The following LRP1B variants were observed in gnomAD, a reference collection of about 807,000 sequenced individuals.
LRP1B encodes the protein LDL receptor related protein 1B.
A neutral mutation model predicts 556.6 loss-of-function variants in LRP1B; 217 were observed. The ratio of observed to expected loss-of-function variants is 0.39; its 90% CI spans 0.35 to 0.44. LRP1B has a LOEUF of 0.44. LRP1B is among the 20% of genes least tolerant of loss of function. The pLI is 1.00. For missense variants in LRP1B, 5,053 were observed against 5,620.8 expected, an observed-to-expected ratio of 0.90 and a Z score of 3.23; for synonymous variants, 2,047 against 1,865.8, an observed-to-expected ratio of 1.10 and a Z score of -2.50.
Position 140,886,165 on chromosome 2 carries a change from A to T in LRP1B, c.3937T>A (p.Tyr1313Asn), listed in dbSNP as rs2105192069. ...CCACTTTCAGAAAGCTTTCCCCGGT[A>T]TATTCTGTCTTCTACAACATCTGTC... ...YWTDVVEDRI[Y>N]RGKLSESGGV... is the part of the protein sequence containing the mutation. The change falls in exon 24 of 91, where the codon TAC (tyrosine) becomes AAC (asparagine). Residue 1313 changes from tyrosine to asparagine, a missense_variant. This residue lies in a region of LRP1B where 3,619 missense variants were observed against 3,931.9 expected (regional missense o/e 0.92). Transcript: ENST00000389484. The T allele has an allele frequency of 6.2e-7, 1 of 1,605,132 alleles. No homozygotes were observed. The highest frequency in any genetic ancestry group is 8.5e-7 in the Non-Finnish European group (1 of 1,174,930).
chr2:140,430,125 G>A (rs1226044907), intron 66 of LRP1B, among the ~76,000 whole-genome samples: 1 of 152,036 alleles, frequency 6.6e-6, no homozygotes, highest in African/African-American at 2.4e-5. Context: ...GTTTATTGAT[G>A]GCAGTTCCAC....
intron 61 of LRP1B, among the ~76,000 whole-genome samples, chr2:140,457,188 C>T (rs113360131): frequency 6.6e-6 from 1 of 152,154 alleles, no homozygotes; most frequent in Non-Finnish European, 1.5e-5. Flanking sequence ...TTCAAGAATA[C>T]AGTCTTCACT....
chr2:140,258,984 T>C (rs954060590), intron 86 of LRP1B, among the ~76,000 whole-genome samples: 3 of 152,158 alleles, frequency 2.0e-5, no homozygotes, highest in African/African-American at 2.4e-5. Flanking sequence ...GACATACATA[T>C]AGCTGTGACA....
intron 5 of LRP1B, among the ~76,000 whole-genome samples, chr2:141,243,838 G>C (rs1683971577): frequency 6.6e-6 from 1 of 152,120 alleles, no homozygotes; most frequent in Non-Finnish European, 1.5e-5. Flanking sequence ...TAATAGGAAT[G>C]AAAAGGCCTC....
In LRP1B at chr2:140,350,967, T is replaced by A. The variant is rs780385688; in HGVS notation, c.11722A>T (p.Ser3908Cys). Residue 3908 changes from serine (S) to cysteine (C), a missense_variant, in exon 77 of 91, where the codon AGT becomes TGT. Physicochemically the swap from Ser to Cys is moderately radical, Grantham distance 112 (BLOSUM62 -1). This residue lies in a region of LRP1B where 599 missense variants were observed against 648.4 expected (regional missense o/e 0.92). Coordinates refer to ENST00000389484, the MANE Select transcript of LRP1B (RefSeq NM_018557.3). Reference protein sequence around the residue: ...ILGFIYPFNYSGDHQQISHIE... With the variant: ...ILGFIYPFNYCGDHQQISHIE... ...TGAGAAATTTGTTGATGATCGCCACTGTAGTTGAATGGATATATAAAACCC... is the reference window on the plus strand; with the variant it reads ...TGAGAAATTTGTTGATGATCGCCACAGTAGTTGAATGGATATATAAAACCC... 6.2e-7 allele frequency: 1 copy of A among 1,607,900 alleles called. No homozygotes were observed. The highest frequency in any genetic ancestry group is 8.5e-7 in the Non-Finnish European group (1 of 1,175,040).
intron 2 of LRP1B, among the ~76,000 whole-genome samples, chr2:141,517,259 T>TACACACACACACACACACATAC (rs71281835): frequency 7.1e-6 from 1 of 141,390 alleles, no homozygotes; most frequent in Admixed American, 7.1e-5. Context: ...AGGACAAGAA[T>TACACACACACACACACACATAC]ACGCACACAC....
chr2:140,950,235 C>T lies in LRP1B; in HGVS notation c.3136G>A (p.Glu1046Lys), dbSNP rs778945369. 1.9e-6 allele frequency: 3 copies of T among 1,560,798 alleles called. No individual in the cohort carries two copies. The highest frequency in any genetic ancestry group is 8.6e-7 in the Non-Finnish European group (1 of 1,156,966). ...DEAQINCTKE[E>K]IHSPAGCNGN... Reference sequence around the variant, plus strand: ...TTCATTAATTTATAAAATTACTAACCTTCTTTAGTACAATTGATCTGGGCT... The same window carrying T: ...TTCATTAATTTATAAAATTACTAACTTTCTTTAGTACAATTGATCTGGGCT... The change falls in exon 20 of 91, where the codon GAG becomes AAG. Residue 1046 changes from glutamate to lysine, a missense_variant and splice_region_variant. Physicochemically the swap from Glu to Lys is moderately conservative, Grantham distance 56. Coordinates refer to ENST00000389484, the MANE Select transcript of LRP1B (RefSeq NM_018557.3).
rs536761851 is a variant in LRP1B at position 140,444,627 on chromosome 2, A to G, written c.10110T>C (p.Ala3370=). 3.7e-6 allele frequency: 6 copies of G among 1,614,058 alleles called. 1 individual carries two copies. The South Asian group carries it at 4.4e-5, about 12-fold the overall frequency. Residue 3370 remains alanine, a synonymous_variant, in exon 64 of 91, where the codon GCT becomes GCC. Coordinates refer to ENST00000389484, the MANE Select transcript of LRP1B (RefSeq NM_018557.3). The part of the protein sequence containing the change: ...GRFQCGTGLC[A]LPAFICDGEN... ...CTCCATCACAGATGAAAGCTGGTAG[A>G]GCACAGAGTCCAGTCCCACACTGAA...
Position 140,796,696 on chromosome 2 carries a change from G to A in LRP1B, c.5359+16961C>T, listed in dbSNP as rs1402730383. Among the ~76,000 whole-genome samples, 7 of 152,052 alleles carry A rather than the reference G, an allele frequency of 4.6e-5. No homozygotes were observed. In the South Asian group the frequency reaches 1.0e-3, roughly 22 times the overall value. On this transcript the variant is annotated intron_variant, in intron 32 of 90. Transcript: ENST00000389484. ...TGAACTAAGTGACATTGCTCAGTGC[G>A]CACTGCAAAGTAACTTATCTCTTTT...
intron 41 of LRP1B, among the ~76,000 whole-genome samples, chr2:140,641,413 T>C (rs1324678085): frequency 2.0e-5 from 3 of 152,222 alleles, no homozygotes; most frequent in Non-Finnish European, 4.4e-5. Context: ...ATAACTCTTT[T>C]AGCATCTGAT....
intron 21 of LRP1B, among the ~76,000 whole-genome samples, chr2:140,918,801 A>G (rs533497795): frequency 6.6e-6 from 1 of 152,210 alleles, no homozygotes; most frequent in Non-Finnish European, 1.5e-5. Context: ...AACCAGGAAG[A>G]GTGCCTCAGA....
At chr2:140,462,715 C>T (rs1687373207) in intron 60 of LRP1B, among the ~76,000 whole-genome samples, 2 of 152,180 alleles carry the variant, frequency 1.3e-5, no homozygotes, top group Admixed American at 1.3e-4. Flanking sequence ...AGAGGCAAAG[C>T]CAGGATAACT....
intron 68 of LRP1B, among the ~76,000 whole-genome samples, chr2:140,375,836 A>G (rs670617): frequency 0.096 from 14,606 of 152,160 alleles, 1,242 homozygotes; most frequent in African/African-American, 0.23. Flanking sequence ...AGAGATAAAT[A>G]CTTGCTATAC....
intron 1 of LRP1B, among the ~76,000 whole-genome samples, chr2:141,819,433 T>C (rs1696681776): frequency 6.6e-6 from 1 of 152,136 alleles, no homozygotes; most frequent in Non-Finnish European, 1.5e-5. Flanking sequence ...ACGTTTGCAA[T>C]AACGTAACAC....
At chr2:141,015,618 G>T in intron 13 of LRP1B, 78 bp downstream of exon 13, 1 of 1,163,046 alleles carries the variant, frequency 8.6e-7, no homozygotes. Context: ...AAACTTGAAA[G>T]TATTTTTAAC....
rs138608610 is a variant in LRP1B, at chr2:141,000,933, G to A, written c.2503+4402C>T. On this transcript the variant is annotated intron_variant, in intron 15 of 90. Coordinates refer to ENST00000389484, the MANE Select transcript of LRP1B (RefSeq NM_018557.3). Reference sequence around the variant, plus strand: ...ATCTTTCCTATATCAATATAGATATGTTCACCTAAAAGCAACCCATACATT... The same window carrying A: ...ATCTTTCCTATATCAATATAGATATATTCACCTAAAAGCAACCCATACATT... Among the ~76,000 whole-genome samples the A allele has an allele frequency of 4.4e-3, 643 of 145,446 alleles. 5 individuals are homozygous for A. The highest frequency in any genetic ancestry group is 7.1e-3 in the Non-Finnish European group (469 of 66,118).
chr2:142,067,374 C>A (rs1449056933), intron 1 of LRP1B, among the ~76,000 whole-genome samples: 3 of 151,404 alleles, frequency 2.0e-5, no homozygotes, highest in Non-Finnish European at 4.4e-5. Context: ...GTAATATATT[C>A]CATGTTGTAC....
At chr2:142,054,286 C>T (rs755887512) in intron 1 of LRP1B, among the ~76,000 whole-genome samples, 26 of 152,012 alleles carry the variant, frequency 1.7e-4, no homozygotes, top group African/African-American at 2.4e-4. Context: ...GTGGGTATTG[C>T]TTAGAGTGGA....
intron 3 of LRP1B, among the ~76,000 whole-genome samples, chr2:141,305,819 T>C (rs986929657): frequency 3.3e-5 from 5 of 152,192 alleles, no homozygotes; most frequent in Admixed American, 6.5e-5. Flanking sequence ...ATTTTATCAA[T>C]TTCTTCCTGC....
Sources: gnomAD v4.1 joint callset for allele counts (sites outside exome capture counted in the v4.1 genomes callset) on GRCh38, gnomAD v4.1.1 for gene constraint, gnomAD v4.1.1 regional missense constraint, MANE v1.5 for transcripts, NCBI Gene and HGNC (gene_info 2026-07-23, HGNC 2026-07-21) for gene names.